Variants in PI15 observed in about 807,000 individuals in gnomAD.
PI15 encodes 25 kDa trypsin inhibitor.
Under a neutral mutation model 31.0 loss-of-function variants are expected in PI15, and 18 were observed. The observed-to-expected ratio is 0.58, with a 90% confidence interval of 0.40 to 0.86. The LOEUF (loss-of-function observed/expected upper bound fraction) is 0.86, where lower values mean the gene tolerates loss of function less well. Ranked by LOEUF, PI15 falls within the 40% of genes least tolerant of loss-of-function variation. The pLI, the probability that PI15 is intolerant of heterozygous loss-of-function variation, is 0.00. For synonymous variants in PI15, 118 were observed against 119.1 expected, an observed-to-expected ratio of 0.99 and a Z score of 0.06; for missense variants, 282 against 328.1, an observed-to-expected ratio of 0.86 and a Z score of 1.09.
At chr8:74,846,428 A>G (rs770043244) in intron 5 of PI15, among the ~76,000 whole-genome samples, 4 of 152,174 alleles carry the variant, frequency 2.6e-5, no homozygotes, top group Non-Finnish European at 4.4e-5. Context: ...ATTTATACGA[A>G]AATTTTAGTT....
At chr8:74,826,116 G>A (rs1190066225) in intron 2 of PI15, among the ~76,000 whole-genome samples, 1 of 151,920 alleles carries the variant, frequency 6.6e-6, no homozygotes, top group Non-Finnish European at 1.5e-5. Flanking sequence ...CAGTGCATTT[G>A]CACACTGTTC....
intron 3 of PI15, 56 bp downstream of exon 3, chr8:74,844,155 T>A: frequency 3.7e-6 from 3 of 812,268 alleles, no homozygotes; most frequent in Non-Finnish European, 6.6e-6. Context: ...AATTATGGAC[T>A]CTAGGAGGGA....
chr8:74,852,353 T>C lies in PI15; in HGVS notation c.*3100T>C, dbSNP rs1301771384. The C allele has an allele frequency of 6.6e-6, 1 of 152,138 alleles. No individual in the cohort carries two copies. Among genetic ancestry groups the C allele is most frequent in the Non-Finnish European group, 1.5e-5 (1 of 67,968 alleles). 9.4% of individuals were successfully genotyped at this position (152,138 alleles called of 1,614,324 possible). A position where few individuals can be genotyped will look rare whatever the true frequency, so the allele number is the denominator to read the frequency against. On this transcript the variant is annotated 3_prime_UTR_variant, in exon 6 of 6. Transcript: ENST00000260113. ...AGAATTAAACTGATGGATTTCATTA[T>C]AGAATTATCTGTGAGTTGTGTAGAC...
rs1474224708 is a variant in PI15 at position 74,850,317 on chromosome 8, C to T, written c.*1064C>T. 2.6e-5 allele frequency: 4 copies of T among 152,080 alleles called. No individual in the cohort carries two copies. Among genetic ancestry groups the T allele is most frequent in the Admixed American group, 2.6e-4 (4 of 15,244 alleles). 9.4% of individuals were successfully genotyped at this position (152,080 alleles called of 1,614,324 possible). On this transcript the variant is annotated 3_prime_UTR_variant, in exon 6 of 6. Transcript: ENST00000260113. ...ACAGAAAGTAAGACCCTCAGAAAACCAATGAAGTCTAAGAGAAATAAAATT... is the reference window on the plus strand; with the variant it reads ...ACAGAAAGTAAGACCCTCAGAAAACTAATGAAGTCTAAGAGAAATAAAATT...
intron 5 of PI15, 28 bp downstream of exon 5, chr8:74,845,525 T>G: frequency 7.1e-7 from 1 of 1,407,882 alleles, no homozygotes; most frequent in South Asian, 1.2e-5. Context: ...TTCTATTTCC[T>G]GGATCCTTTA....
At chr8:74,843,500 G>C (rs962118311) in intron 2 of PI15, among the ~76,000 whole-genome samples, 3 of 152,154 alleles carry the variant, frequency 2.0e-5, no homozygotes, top group Admixed American at 1.3e-4. Context: ...GGCCAAGGCG[G>C]GTGGATCACT....
At position 74,849,542 on chromosome 8, in the gene PI15, T is replaced by C. The variant is rs1165006401; in HGVS notation, c.*289T>C. On this transcript the variant is annotated 3_prime_UTR_variant, in exon 6 of 6. Coordinates refer to ENST00000260113, the MANE Select transcript of PI15 (RefSeq NM_015886.5). ...CCTAAAACTTACATTCCAAAGGAAT[T>C]ATATCATTATGTTCCTAAGGAGTAA... The C allele has an allele frequency of 3.7e-6, 1 of 267,124 alleles. No individual in the cohort carries two copies. The highest frequency in any genetic ancestry group is 1.2e-3 in the Middle Eastern group (1 of 854). The allele number at this position is 267,124 out of a possible 1,614,324, so 16.5% of individuals were successfully genotyped here.
chr8:74,837,746 C>T (rs1036153776), intron 2 of PI15, among the ~76,000 whole-genome samples: 7 of 152,064 alleles, frequency 4.6e-5, no homozygotes, highest in South Asian at 2.1e-4. Context: ...GACACATAAA[C>T]GTCCAAGAAA....
intron 2 of PI15, among the ~76,000 whole-genome samples, chr8:74,837,400 G>A (rs1314441809): frequency 6.6e-6 from 1 of 151,932 alleles, no homozygotes; most frequent in Middle Eastern, 3.4e-3. Flanking sequence ...GCTCAGTGCT[G>A]CCCTCCTGTC....
chr8:74,827,833 T>C (rs1810721629), intron 2 of PI15, among the ~76,000 whole-genome samples: 1 of 152,182 alleles, frequency 6.6e-6, no homozygotes, highest in African/African-American at 2.4e-5. Context: ...CTATATATGA[T>C]TTATTTTGTA....
intron 4 of PI15, 56 bp from the exon 5 acceptor site, chr8:74,845,326 G>T: frequency 6.3e-7 from 1 of 1,575,260 alleles, no homozygotes; most frequent in East Asian, 2.2e-5. Flanking sequence ...TATTTTGGTG[G>T]ACATGCATTG....
chr8:74,832,099 A>T (rs1004109330), intron 2 of PI15, among the ~76,000 whole-genome samples: 1 of 152,152 alleles, frequency 6.6e-6, no homozygotes, highest in Non-Finnish European at 1.5e-5. Flanking sequence ...GGCAATAAGG[A>T]TATAAAAAAA....
chr8:74,854,146 G>A lies in PI15; in HGVS notation c.*4893G>A, dbSNP rs1185471385. On this transcript the variant is annotated 3_prime_UTR_variant, in exon 6 of 6. Coordinates refer to ENST00000260113, the MANE Select transcript of PI15 (RefSeq NM_015886.5). ...TCTAGATTTAAAAATGTATGCAAAA[G>A]CTTAGGATTATATCATGTGTAACTA... 4 of 151,870 alleles carry A rather than the reference G, an allele frequency of 2.6e-5. No homozygotes were observed. The highest frequency in any genetic ancestry group is 5.9e-5 in the Non-Finnish European group (4 of 67,898). 9.4% of individuals were successfully genotyped at this position (151,870 alleles called of 1,614,324 possible).
intron 2 of PI15, 104 bp downstream of exon 2, chr8:74,825,626 T>A: frequency 1.1e-6 from 1 of 894,202 alleles, no homozygotes; most frequent in Non-Finnish European, 1.7e-6. Context: ...TGTCCGGGTA[T>A]ATGGACTTTT....
chr8:74,842,745 C>G (rs1586957077), intron 2 of PI15, among the ~76,000 whole-genome samples: 1 of 152,224 alleles, frequency 6.6e-6, no homozygotes, highest in South Asian at 2.1e-4. Flanking sequence ...AAATCCACGG[C>G]TCATTCAAAT....
At position 74,844,066 on chromosome 8, in the gene PI15, T is replaced by G. The variant is rs2128765795; in HGVS notation, c.359T>G (p.Phe120Cys). The change falls in exon 3 of 6, where the codon TTT becomes TGT. Residue 120 changes from phenylalanine to cysteine, a missense_variant. Coordinates refer to ENST00000260113, the MANE Select transcript of PI15 (RefSeq NM_015886.5). ...CATGGACCTTCTTACTTACTGAGAT[T>G]TTTGGGCCAAAATCTATCTGTACGC... Reference protein sequence around the residue: ...WDHGPSYLLRFLGQNLSVRTG... With the variant: ...WDHGPSYLLRCLGQNLSVRTG... The G allele has an allele frequency of 6.3e-7, 1 of 1,586,298 alleles. No homozygotes were observed. Among genetic ancestry groups the G allele is most frequent in the South Asian group, 1.1e-5 (1 of 90,510 alleles).
At chr8:74,832,538 A>G (rs1036380049) in intron 2 of PI15, among the ~76,000 whole-genome samples, 13 of 152,092 alleles carry the variant, frequency 8.5e-5, no homozygotes, top group African/African-American at 2.7e-4. Context: ...TGTTTTTTTA[A>G]TGGTGCCATG....
intron 2 of PI15, among the ~76,000 whole-genome samples, chr8:74,830,040 A>G (rs1056474170): frequency 6.6e-6 from 1 of 152,122 alleles, no homozygotes; most frequent in African/African-American, 2.4e-5. Context: ...TGATCCTGGC[A>G]GTTGATGGAG....
Position 74,853,226 on chromosome 8 carries a change from T to C in PI15, c.*3973T>C, listed in dbSNP as rs1405355188. 6.6e-6 allele frequency: 1 copy of C among 152,558 alleles called. No homozygotes were observed. Among genetic ancestry groups the C allele is most frequent in the Non-Finnish European group, 1.5e-5 (1 of 67,964 alleles). The allele number at this position is 152,558 out of a possible 1,614,324, so 9.5% of individuals were successfully genotyped here. ...TTTCTTAGCAATTAAAGTTTTTTTA[T>C]TCAGTGTGAACTGTCAGTATCTATT... is the stretch of plus-strand genomic sequence containing the variant. On this transcript the variant is annotated 3_prime_UTR_variant, in exon 6 of 6. Transcript: ENST00000260113.
Sources: allele counts gnomAD v4.1 joint callset (sites outside exome capture counted in the v4.1 genomes callset), GRCh38; gene constraint gnomAD v4.1.1; transcripts MANE v1.5; gene names NCBI Gene and HGNC (gene_info 2026-07-23, HGNC 2026-07-21).